The following ACER1 variants were observed in gnomAD, a reference collection of about 807,000 sequenced individuals.
ACER1 encodes alkaline ceramidase 1.
Under a neutral mutation model 24.9 loss-of-function variants are expected in ACER1, and 28 were observed. The ratio of observed to expected loss-of-function variants is 1.13; its 90% confidence interval spans 0.83 to 1.54. The LOEUF (loss-of-function observed/expected upper bound fraction) is 1.54. ACER1 is among the 40% of genes most tolerant of loss of function. The pLI, the probability that ACER1 is intolerant of heterozygous loss-of-function variation, is 0.00. For missense variants in ACER1, 352 were observed against 349.3 expected, an observed-to-expected ratio of 1.01 and a Z score of -0.06; for synonymous variants, 132 against 131.4, an observed-to-expected ratio of 1.00 and a Z score of -0.03.
chr19:6,315,912 G>A (rs891849005), intron 1 of ACER1, among the ~76,000 whole-genome samples: 2 of 152,172 alleles, frequency 1.3e-5, no homozygotes, highest in African/African-American at 2.4e-5. Flanking sequence ...GGCAAATCAC[G>A]AAGTCAGGAA....
intron 1 of ACER1, among the ~76,000 whole-genome samples, chr19:6,312,888 G>C (rs1456739392): frequency 6.6e-6 from 1 of 151,924 alleles, no homozygotes; most frequent in African/African-American, 2.4e-5. Flanking sequence ...TGTTGGCCAG[G>C]CTGCTCTTGA....
At chr19:6,356,623 C>T in the ACER1 span, among the ~76,000 whole-genome samples, 1 of 151,782 alleles carries the variant, frequency 6.6e-6, no homozygotes, top group Non-Finnish European at 1.5e-5. Context: ...ATAATGATCT[C>T]GCTTTTCTTC....
chr19:6,341,076 T>C, the ACER1 span, among the ~76,000 whole-genome samples: 2 of 151,892 alleles, frequency 1.3e-5, no homozygotes, highest in African/African-American at 4.8e-5. Flanking sequence ...ACAGCCACAG[T>C]GCAGCCTCTT....
At chr19:6,309,673 C>G in intron 4 of ACER1, 24 bp downstream of exon 4, 1 of 1,613,302 alleles carries the variant, frequency 6.2e-7, no homozygotes. Context: ...GCCTCCTGCC[C>G]AGGCACCTGC....
the ACER1 span, among the ~76,000 whole-genome samples, chr19:6,352,810 G>A: frequency 6.6e-6 from 1 of 152,226 alleles, no homozygotes; most frequent in Non-Finnish European, 1.5e-5. Flanking sequence ...AGCCTCTTCA[G>A]CACTGAGAGT....
intron 1 of ACER1, among the ~76,000 whole-genome samples, chr19:6,324,512 C>T (rs1031179232): frequency 2.0e-5 from 3 of 150,920 alleles, no homozygotes; most frequent in East Asian, 4.0e-4. Flanking sequence ...AATCCCAGCA[C>T]TTTGGGAGGC....
chr19:6,321,863 C>T (rs1424481560), intron 1 of ACER1, among the ~76,000 whole-genome samples: 9 of 151,842 alleles, frequency 5.9e-5, no homozygotes, highest in South Asian at 4.1e-4. Context: ...CTGCCCACCA[C>T]GGCCTCCCAA....
At position 6,306,510 on chromosome 19, in the gene ACER1, C is replaced by T; in HGVS notation, c.*204G>A. On this transcript the variant is annotated 3_prime_UTR_variant, in exon 6 of 6. Coordinates refer to ENST00000301452, the MANE Select transcript of ACER1 (RefSeq NM_133492.3). ...GAGGGGAGATGCACGAGACAGCCCC[C>T]CACAGTCACCAGGCTGCTGCTCAGA... 1.7e-6 allele frequency: 1 copy of T among 585,998 alleles called. No individual in the cohort carries two copies. The highest frequency in any genetic ancestry group is 2.9e-6 in the Non-Finnish European group (1 of 345,550). The allele number at this position is 585,998 out of a possible 1,614,324, so 36.3% of individuals were successfully genotyped here. A position where few individuals can be genotyped will look rare whatever the true frequency, so the allele number is the denominator to read the frequency against.
the ACER1 span, among the ~76,000 whole-genome samples, chr19:6,347,109 A>AAATATATATATATATAT: frequency 3.5e-5 from 4 of 113,776 alleles, no homozygotes; most frequent in African/African-American, 1.5e-4. Flanking sequence ...AAAAAAAAAA[A>AAATATATATATATATAT]ATATATATAT....
the ACER1 span, among the ~76,000 whole-genome samples, chr19:6,352,387 C>T: frequency 6.6e-6 from 1 of 152,160 alleles, no homozygotes; most frequent in African/African-American, 2.4e-5. Context: ...ACCACCATAC[C>T]ATGAGGGAGC....
At chr19:6,350,097 C>T in the ACER1 span, among the ~76,000 whole-genome samples, 2 of 151,968 alleles carry the variant, frequency 1.3e-5, no homozygotes, top group African/African-American at 4.8e-5. Flanking sequence ...CACTACCGCA[C>T]TCCAGCCTGG....
At chr19:6,340,359 GGAAGGAAGGAA>G in the ACER1 span, among the ~76,000 whole-genome samples, 19 of 106,494 alleles carry the variant, frequency 1.8e-4, no homozygotes, top group African/African-American at 5.7e-4. Flanking sequence ...AAGGAAGGAA[GGAAGGAAGGAA>G]GGAAGAAAAA....
At chr19:6,334,954 T>A (rs114839866), upstream of ACER1, among the ~76,000 whole-genome samples, 5,667 of 148,388 alleles carry the variant, frequency 0.038, 173 homozygotes, top group African/African-American at 0.086. Flanking sequence ...TAATAATAAT[T>A]ATTATTATTA....
chr19:6,330,218 A>G (rs901398064), intron 1 of ACER1, among the ~76,000 whole-genome samples: 2 of 147,986 alleles, frequency 1.4e-5, no homozygotes, highest in Non-Finnish European at 3.0e-5. Flanking sequence ...CCCAGGCTGG[A>G]GTGCAATGGC....
At chr19:6,307,987 G>A (rs2144994173) in intron 4 of ACER1, among the ~76,000 whole-genome samples, 1 of 151,746 alleles carries the variant, frequency 6.6e-6, no homozygotes, top group Non-Finnish European at 1.5e-5. Context: ...AGCTACTTGG[G>A]AGGCTGAGCC....
At chr19:6,349,114 G>A in the ACER1 span, among the ~76,000 whole-genome samples, 1 of 149,352 alleles carries the variant, frequency 6.7e-6, no homozygotes, top group Non-Finnish European at 1.5e-5. Context: ...AAGAAGAGGA[G>A]GAGGAGGAGG....
the ACER1 span, among the ~76,000 whole-genome samples, chr19:6,340,314 AG>A: frequency 2.9e-5 from 1 of 34,428 alleles, no homozygotes; most frequent in African/African-American, 1.2e-4. Context: ...GAAGGAAGGA[AG>A]GAAGGAAGGA....
At chr19:6,351,193 C>T in the ACER1 span, among the ~76,000 whole-genome samples, 4 of 151,374 alleles carry the variant, frequency 2.6e-5, no homozygotes, top group Non-Finnish European at 5.9e-5. Context: ...GATGAAGCCC[C>T]GTCTCTACTA....
At chr19:6,355,815 G>A in the ACER1 span, among the ~76,000 whole-genome samples, 32 of 145,054 alleles carry the variant, frequency 2.2e-4, 1 homozygote, top group Middle Eastern at 3.8e-3. Context: ...TCAGCCCCCC[G>A]CCCGGCCAGC....
Sources: allele counts gnomAD v4.1 joint callset (sites outside exome capture counted in the v4.1 genomes callset), GRCh38; gene constraint gnomAD v4.1.1; transcripts MANE v1.5; gene names NCBI Gene and HGNC (gene_info 2026-07-23, HGNC 2026-07-21).